The following PTPN13 variants were observed in gnomAD, a reference collection of about 807,000 sequenced individuals.
PTPN13 encodes the protein tyrosine-protein phosphatase non-receptor type 13.
PTPN13 carries 191 observed loss-of-function variants against 284.0 expected under a neutral mutation model. That is an observed-to-expected ratio of 0.67 (90% CI 0.60 to 0.76). PTPN13 has a LOEUF of 0.76. Among genes scored for constraint, PTPN13 ranks in the 30% least tolerant of loss-of-function variants. The pLI, the probability that PTPN13 is intolerant of heterozygous loss-of-function variation, is 0.00. For missense variants in PTPN13, 2,797 were observed against 2,939.9 expected, an observed-to-expected ratio of 0.95 and a Z score of 1.12; for synonymous variants, 986 against 1,022.3, an observed-to-expected ratio of 0.96 and a Z score of 0.68.
At chr4:86,650,379 A>G (rs1429084596) in intron 2 of PTPN13, among the ~76,000 whole-genome samples, 2 of 143,176 alleles carry the variant, frequency 1.4e-5, no homozygotes, top group Non-Finnish European at 3.1e-5. Context: ...TGGCACAATC[A>G]TGGCTCACTG....
intron 1 of PTPN13, among the ~76,000 whole-genome samples, chr4:86,611,324 C>T (rs1686966179): frequency 1.3e-5 from 2 of 152,146 alleles, no homozygotes; most frequent in South Asian, 4.1e-4. Flanking sequence ...AATGGACTGC[C>T]TTTAAGGCAG....
chr4:86,789,594 C>T (rs1441091530), intron 40 of PTPN13, among the ~76,000 whole-genome samples: 1 of 152,168 alleles, frequency 6.6e-6, no homozygotes, highest in African/African-American at 2.4e-5. Flanking sequence ...CTCCTCTACT[C>T]TCAAGTTACT....
intron 3 of PTPN13, among the ~76,000 whole-genome samples, chr4:86,680,202 C>T (rs749417190): frequency 4.9e-4 from 75 of 152,056 alleles, no homozygotes; most frequent in African/African-American, 1.6e-3. Flanking sequence ...GAGTGGTAAA[C>T]GGGACAAAAT....
In PTPN13 at chr4:86,689,038, C is replaced by G; in HGVS notation, c.394C>G (p.Leu132Val). ...IKLGDHLNSILLGMCEDVIYA... is the reference protein window; with the variant it reads ...IKLGDHLNSIVLGMCEDVIYA... ...GCTTGGAGATCATCTCAACAGCATA[C>G]TGCTTGGAATGTGTGAGGATGTTAT... Residue 132 changes from leucine to valine, a missense_variant, in exon 5 of 48, where the codon CTG becomes GTG. By Grantham distance (32) the Leu-to-Val change is conservative. Transcript: ENST00000411767. 1 of 1,580,698 alleles carries G rather than the reference C, an allele frequency of 6.3e-7. No individual in the cohort carries two copies. The highest frequency in any genetic ancestry group is 1.1e-5 in the South Asian group (1 of 90,390).
chr4:86,750,792 C>T lies in PTPN13; in HGVS notation c.2973C>T (p.Pro991=). ...AAAATGTCATTGTTAACATGGAACC[C>T]CCACCACAAACCGTTGCAGAGTTGG... ...HRKNVIVNME[P]PPQTVAELVG... Residue 991 remains proline (P), a synonymous_variant, in exon 18 of 48, where the codon CCC becomes CCT. Transcript: ENST00000411767. The T allele has an allele frequency of 6.2e-7, 1 of 1,613,604 alleles. No individual in the cohort carries two copies. The highest frequency in any genetic ancestry group is 8.5e-7 in the Non-Finnish European group (1 of 1,179,752).
chr4:86,749,690 G>T (rs1207300165), intron 17 of PTPN13, among the ~76,000 whole-genome samples: 1 of 152,120 alleles, frequency 6.6e-6, no homozygotes, highest in African/African-American at 2.4e-5. Context: ...ATGTGTATTT[G>T]GGAGTGAAAG....
intron 1 of PTPN13, among the ~76,000 whole-genome samples, chr4:86,621,845 G>T (rs552462443): frequency 6.6e-6 from 1 of 151,668 alleles, no homozygotes; most frequent in Admixed American, 6.6e-5. Flanking sequence ...TGTCAGTCAT[G>T]TTCTTCTTTG....
chr4:86,797,020 C>A, intron 41 of PTPN13, 91 bp downstream of exon 41: 1 of 903,966 alleles, frequency 1.1e-6, no homozygotes, highest in Non-Finnish European at 1.7e-6. Flanking sequence ...ATAAAATAAG[C>A]ATAGTTGAGT....
At chr4:86,709,498 A>G (rs957469085) in intron 7 of PTPN13, among the ~76,000 whole-genome samples, 1 of 152,156 alleles carries the variant, frequency 6.6e-6, no homozygotes, top group Admixed American at 6.5e-5. Context: ...CAGTGGTGCT[A>G]TTTCAGATAA....
At chr4:86,675,640 A>G (rs1292593770) in intron 3 of PTPN13, among the ~76,000 whole-genome samples, 2 of 152,184 alleles carry the variant, frequency 1.3e-5, no homozygotes, top group Non-Finnish European at 2.9e-5. Flanking sequence ...CTCCCTTACT[A>G]TCAACTATGT....
intron 1 of PTPN13, among the ~76,000 whole-genome samples, chr4:86,634,565 G>A (rs982369254): frequency 6.6e-6 from 1 of 152,062 alleles, no homozygotes; most frequent in Admixed American, 6.6e-5. Flanking sequence ...ATGTTCACAA[G>A]CATAGCCACT....
At chr4:86,731,043 G>A (rs1402224090) in intron 10 of PTPN13, among the ~76,000 whole-genome samples, 2 of 152,028 alleles carry the variant, frequency 1.3e-5, no homozygotes, top group Non-Finnish European at 1.5e-5. Flanking sequence ...TACATAAATG[G>A]TATCTGTCAC....
intron 2 of PTPN13, among the ~76,000 whole-genome samples, chr4:86,660,195 A>G (rs1221478884): frequency 3.9e-5 from 6 of 152,220 alleles, no homozygotes; most frequent in Admixed American, 1.3e-4. Context: ...AAAGCAGTCT[A>G]AGGGTCGATC....
At chr4:86,747,549 GGCAGCA>G (rs78831573) in intron 17 of PTPN13, among the ~76,000 whole-genome samples, 93 of 143,820 alleles carry the variant, frequency 6.5e-4, no homozygotes, top group African/African-American at 2.1e-3. Context: ...CAGCAGCAGC[GGCAGCA>G]GCAGCAGCAG....
At chr4:86,722,529 A>G in intron 10 of PTPN13, 95 bp downstream of exon 10, 1 of 921,378 alleles carries the variant, frequency 1.1e-6, no homozygotes, top group East Asian at 2.4e-5. Flanking sequence ...GTATCCATCT[A>G]AAGTTACCTG....
At chr4:86,754,115 C>T (rs2149217857) in intron 20 of PTPN13, among the ~76,000 whole-genome samples, 1 of 152,106 alleles carries the variant, frequency 6.6e-6, no homozygotes, top group East Asian at 1.9e-4. Flanking sequence ...ATTAAAATTG[C>T]TTTTAAAAGT....
chr4:86,714,750 G>A (rs1732823868), intron 7 of PTPN13, among the ~76,000 whole-genome samples: 1 of 152,048 alleles, frequency 6.6e-6, no homozygotes, highest in Non-Finnish European at 1.5e-5. Flanking sequence ...TATTCACTCA[G>A]AAAATATTCA....
At chr4:86,740,046 C>T (rs889629503) in intron 15 of PTPN13, among the ~76,000 whole-genome samples, 1 of 152,186 alleles carries the variant, frequency 6.6e-6, no homozygotes, top group African/African-American at 2.4e-5. Flanking sequence ...GTATAGACCC[C>T]TCCTGGCTGG....
rs140916882 is a variant in PTPN13, at chr4:86,743,315, G to A, written c.2487+1499G>A. Among the ~76,000 whole-genome samples, 719 of 152,182 alleles carry A rather than the reference G, an allele frequency of 4.7e-3. 1 individual carries two copies. Among genetic ancestry groups the A allele is most frequent in the Admixed American group, 7.2e-3 (110 of 15,288 alleles). The stretch of plus-strand genomic sequence containing the variant: ...TGTGTGTGATATTTGCTGCCTTTGG[G>A]TGTTTTATTATAGGTAGTGGTTCTG... On this transcript the variant is annotated intron_variant, in intron 16 of 47. Transcript: ENST00000411767.
Sources: gnomAD v4.1 joint callset for allele counts (sites outside exome capture counted in the v4.1 genomes callset) on GRCh38, gnomAD v4.1.1 for gene constraint, MANE v1.5 for transcripts, NCBI Gene and HGNC (gene_info 2026-07-23, HGNC 2026-07-21) for gene names.